TAFA5: variants seen among roughly 807,000 people sequenced by gnomAD.
TAFA5 encodes the protein TAFA chemokine like family member 5.
A neutral mutation model predicts 15.3 loss-of-function variants in TAFA5; 6 were observed. The ratio of observed to expected loss-of-function variants is 0.39; its 90% CI spans 0.21 to 0.77. The LOEUF is 0.77. Among genes scored for constraint, TAFA5 ranks in the 30% least tolerant of loss-of-function variants. TAFA5 has a pLI of 0.41. For synonymous variants in TAFA5, 103 were observed against 80.7 expected (o/e 1.28, Z -1.48); for missense variants, 161 against 193.1 (o/e 0.83, Z 0.98).
chr22:48,693,182 C>A, intron 2 of TAFA5: 3 of 1,000,728 alleles, frequency 3.0e-6, no homozygotes, highest in Non-Finnish European at 2.9e-6. Flanking sequence ...TCCTTGTCTG[C>A]CTGGAGGGGC....
chr22:48,719,977 T>C (rs1929520239), intron 3 of TAFA5, among the ~76,000 whole-genome samples: 2 of 152,212 alleles, frequency 1.3e-5, no homozygotes, highest in Admixed American at 6.5e-5. Flanking sequence ...ACTTTTGTAA[T>C]GGGAGACGTG....
chr22:48,585,757 C>T (rs1924332707), intron 1 of TAFA5, among the ~76,000 whole-genome samples: 1 of 151,370 alleles, frequency 6.6e-6, no homozygotes, highest in East Asian at 1.9e-4. Context: ...ATACGCATAC[C>T]AAATACGCAT....
In TAFA5 at chr22:48,489,601, A is replaced by G. The variant is rs1245174771; in HGVS notation, c.9A>G (p.Pro3=). The G allele has an allele frequency of 7.5e-6, 11 of 1,476,112 alleles. No individual in the cohort carries two copies. In the East Asian group the frequency reaches 3.0e-4, roughly 41 times the overall value. The allele number at this position is 1,476,112 out of a possible 1,614,324, so 91.4% of individuals were successfully genotyped here. A position where few individuals can be genotyped will look rare whatever the true frequency, so the allele number is the denominator to read the frequency against. MA[P]SPRTGSRQDA... is the part of the protein sequence containing the mutation. Reference sequence around the variant, plus strand: ...CGGGCGCCGCGGCTTCAATGGCGCCATCGCCCAGGACCGGCAGCCGGCAAG... The same window carrying G: ...CGGGCGCCGCGGCTTCAATGGCGCCGTCGCCCAGGACCGGCAGCCGGCAAG... The change falls in exon 1 of 4, where the codon CCA becomes CCG. Residue 3 remains proline, a synonymous_variant. Coordinates refer to ENST00000402357, the MANE Select transcript of TAFA5 (RefSeq NM_001082967.3). This position sits in a 1 kb window ranked among gnomAD's most constrained non-coding sequence, Gnocchi z 5.5.
intron 3 of TAFA5, among the ~76,000 whole-genome samples, chr22:48,733,202 G>C (rs1332086197): frequency 2.0e-5 from 3 of 152,180 alleles, no homozygotes; most frequent in Admixed American, 2.0e-4. Flanking sequence ...TAATTCAATA[G>C]ATGCTGGGAA....
At chr22:48,661,574 T>C (rs958183075) in intron 2 of TAFA5, among the ~76,000 whole-genome samples, 10 of 152,192 alleles carry the variant, frequency 6.6e-5, no homozygotes, top group African/African-American at 2.4e-4. Flanking sequence ...CACTGATCAG[T>C]GCCCAGGCCT....
intron 1 of TAFA5, among the ~76,000 whole-genome samples, chr22:48,620,918 T>C (rs796206426): frequency 4.7e-4 from 1 of 2,126 alleles, no homozygotes; most frequent in African/African-American, 9.5e-4. Flanking sequence ...CACCCACCTA[T>C]CCTATTCATC....
chr22:48,671,087 G>A (rs17176694), intron 2 of TAFA5, among the ~76,000 whole-genome samples: 13,386 of 152,180 alleles, frequency 0.088, 871 homozygotes, highest in Non-Finnish European at 0.13. Flanking sequence ...AGACTGTGCC[G>A]TATGCTCACA....
chr22:48,526,893 T>C lies in TAFA5; in HGVS notation c.112+37189T>C, dbSNP rs558015831. On this transcript the variant is annotated intron_variant, in intron 1 of 3. Transcript: ENST00000402357. Reference sequence around the variant, plus strand: ...ATGTGTCATTAGAAAGAATTAACAATGACATCAACTGTGAGATGGGACTGC... The same window carrying C: ...ATGTGTCATTAGAAAGAATTAACAACGACATCAACTGTGAGATGGGACTGC... Among the ~76,000 whole-genome samples, 26 of 152,354 alleles carry C rather than the reference T, an allele frequency of 1.7e-4. No individual in the cohort carries two copies. The East Asian group carries it at 4.4e-3, about 26-fold the overall frequency.
At chr22:48,693,259 C>G in intron 2 of TAFA5, 1 of 1,555,016 alleles carries the variant, frequency 6.4e-7, no homozygotes, top group Admixed American at 1.9e-5. Context: ...CATGAAAATG[C>G]TCAGACCTTT....
intron 1 of TAFA5, among the ~76,000 whole-genome samples, chr22:48,642,169 C>T (rs1213787985): frequency 6.6e-6 from 1 of 152,152 alleles, no homozygotes; most frequent in Non-Finnish European, 1.5e-5. Context: ...CGTGGGGCAG[C>T]CTGGTGGAGC....
rs539033493 is a variant in TAFA5 at position 48,687,863 on chromosome 22, C to T, written c.263-19854C>T. On this transcript the variant is annotated intron_variant, in intron 2 of 3. Transcript: ENST00000402357. ...TGAGTGCGGCTCCACCAGCACTTAG[C>T]GCCTGGGACCTCCTGGAACCAGACA... Among the ~76,000 whole-genome samples the T allele has an allele frequency of 2.1e-3, 319 of 152,288 alleles. 1 individual carries two copies. The highest frequency in any genetic ancestry group is 7.3e-3 in the African/African-American group (302 of 41,544).
At position 48,589,857 on chromosome 22, in the gene TAFA5, C is replaced by A. The variant is rs182788442; in HGVS notation, c.113-56740C>A. The stretch of plus-strand genomic sequence containing the variant: ...AAGACACCTTGATTTCCAACTTCTG[C>A]CCTCCAGAACTGTGAGAGCAGAAAC... On this transcript the variant is annotated intron_variant, in intron 1 of 3. Coordinates refer to ENST00000402357, the MANE Select transcript of TAFA5 (RefSeq NM_001082967.3). Among the ~76,000 whole-genome samples, 14 of 152,268 alleles carry A rather than the reference C, an allele frequency of 9.2e-5. No individual in the cohort carries two copies. The East Asian group carries it at 2.7e-3, about 30-fold the overall frequency.
chr22:48,584,108 CCACA>C (rs958689768), intron 1 of TAFA5, among the ~76,000 whole-genome samples: 1 of 147,648 alleles, frequency 6.8e-6, no homozygotes, highest in Non-Finnish European at 1.5e-5. Context: ...CACACACACA[CCACA>C]CACACACACC....
chr22:48,743,131 A>G (rs976234499), intron 3 of TAFA5, among the ~76,000 whole-genome samples: 7 of 152,208 alleles, frequency 4.6e-5, no homozygotes, highest in Admixed American at 3.3e-4. Context: ...TTCTGGGTCC[A>G]GACGTCTGTG....
chr22:48,523,486 C>T (rs978377988), intron 1 of TAFA5, among the ~76,000 whole-genome samples: 3 of 152,206 alleles, frequency 2.0e-5, no homozygotes, highest in Non-Finnish European at 4.4e-5. Context: ...GGATGGAAAA[C>T]GTTGGGCCTC....
chr22:48,634,357 T>A (rs1306601895), intron 1 of TAFA5, among the ~76,000 whole-genome samples: 1 of 152,092 alleles, frequency 6.6e-6, no homozygotes, highest in Non-Finnish European at 1.5e-5. Flanking sequence ...CACCCACTCA[T>A]CACTCATTCA....
At chr22:48,601,646 G>C (rs1323707914) in intron 1 of TAFA5, among the ~76,000 whole-genome samples, 3 of 152,076 alleles carry the variant, frequency 2.0e-5, no homozygotes, top group Non-Finnish European at 2.9e-5. Flanking sequence ...TTTTGAATGG[G>C]TCTTTTACAT....
intron 1 of TAFA5, among the ~76,000 whole-genome samples, chr22:48,592,226 T>C (rs558980100): frequency 6.6e-6 from 1 of 152,296 alleles, no homozygotes; most frequent in Non-Finnish European, 1.5e-5. Flanking sequence ...CCTTTCTTTC[T>C]ATGGGCTGCT....
intron 1 of TAFA5, among the ~76,000 whole-genome samples, chr22:48,542,564 G>GT (rs1555886621): frequency 1.1e-5 from 1 of 91,404 alleles, no homozygotes; most frequent in African/African-American, 4.8e-5. Context: ...ATGTGTGTGT[G>GT]GTGTGTGTGG....
Sources: gnomAD v4.1 joint callset for allele counts (sites outside exome capture counted in the v4.1 genomes callset) on GRCh38, gnomAD v4.1.1 for gene constraint, Gnocchi (gnomAD v3.1) non-coding constraint, MANE v1.5 for transcripts, NCBI Gene and HGNC (gene_info 2026-07-23, HGNC 2026-07-21) for gene names.